RGS5: variants seen among roughly 807,000 people sequenced by gnomAD.
The protein encoded by RGS5 is regulator of G protein signaling 5, also known as regulator of G-protein signalling 5.
In RGS5, 20 loss-of-function variants were observed where a neutral mutation model predicts 18.9. That is an observed-to-expected ratio of 1.06 (90% CI 0.74 to 1.54). The LOEUF (loss-of-function observed/expected upper bound fraction) is 1.54, where lower values mean the gene tolerates loss of function less well. RGS5 is among the 40% of genes most tolerant of loss of function. The pLI is 0.00. For synonymous variants in RGS5, 57 were observed against 76.2 expected (o/e 0.75, Z 1.31); for missense variants, 201 against 211.8 (o/e 0.95, Z 0.32).
chr1:163,161,855 GT>G, intron 3 of RGS5, 59 bp downstream of exon 3: 1 of 1,322,106 alleles, frequency 7.6e-7, no homozygotes, highest in Non-Finnish European at 1.1e-6. Flanking sequence ...ATACAAAGAT[GT>G]TTTTTGTTTC....
At chr1:163,203,829 C>A (rs1659864132), upstream of RGS5, among the ~76,000 whole-genome samples, 1 of 152,076 alleles carries the variant, frequency 6.6e-6, no homozygotes, top group Non-Finnish European at 1.5e-5. Context: ...TCCTATCACT[C>A]AAGGAATATT....
At chr1:163,276,667 G>T (rs1386133995) in intron 2 of RGS5, among the ~76,000 whole-genome samples, 1 of 152,068 alleles carries the variant, frequency 6.6e-6, no homozygotes, top group Non-Finnish European at 1.5e-5. Context: ...CATTTAAATT[G>T]GCTGTCTTCT....
At chr1:163,287,672 CA>C (rs1166134339) in intron 2 of RGS5, among the ~76,000 whole-genome samples, 1 of 152,194 alleles carries the variant, frequency 6.6e-6, no homozygotes, top group African/African-American at 2.4e-5. Context: ...ATGGGTAAGA[CA>C]TTATGTTTCT....
chr1:163,260,567 C>T (rs1296038463), intron 2 of RGS5: 1 of 151,602 alleles, frequency 6.6e-6, no homozygotes, highest in Non-Finnish European at 1.5e-5. Flanking sequence ...GTACTCATTA[C>T]CATAATGTAA....
chr1:163,158,251 C>T (rs150912396), intron 3 of RGS5, among the ~76,000 whole-genome samples: 204 of 152,258 alleles, frequency 1.3e-3, no homozygotes, highest in African/African-American at 4.4e-3. Context: ...TGGCATTCCA[C>T]TGGTTCTTCT....
upstream of RGS5, among the ~76,000 whole-genome samples, chr1:163,207,863 T>C (rs1364940631): frequency 6.6e-6 from 1 of 151,810 alleles, no homozygotes; most frequent in East Asian, 1.9e-4. Flanking sequence ...AGGTAACCAT[T>C]AGAACAGAAA....
chr1:163,245,457 C>G (rs1647902906), intron 2 of RGS5, among the ~76,000 whole-genome samples: 1 of 152,174 alleles, frequency 6.6e-6, no homozygotes, highest in African/African-American at 2.4e-5. Context: ...GATTTTGCTT[C>G]TAAAACTTTA....
rs546729427 is a variant in RGS5, at chr1:163,166,416, G to T, written c.155+1842C>A. ...TTAAAAATACCTCCAATCAAGAGAA[G>T]AATTATTTTCCCCTCTGAAAGAAGA... On this transcript the variant is annotated intron_variant, in intron 2 of 4. Transcript: ENST00000313961. 3.9e-5 allele frequency among the ~76,000 whole-genome samples: 6 copies of T among 152,196 alleles called. No homozygotes were observed. In the East Asian group the frequency reaches 7.7e-4, roughly 20 times the overall value.
chr1:163,238,348 A>T (rs753963538), intron 2 of RGS5: 2 of 152,240 alleles, frequency 1.3e-5, no homozygotes, highest in Non-Finnish European at 2.9e-5. Flanking sequence ...GATAAATTAG[A>T]ACAAAATCCA....
intron 3 of RGS5, among the ~76,000 whole-genome samples, chr1:163,158,529 C>T (rs528997230): frequency 1.3e-5 from 2 of 152,202 alleles, no homozygotes; most frequent in African/African-American, 4.8e-5. Context: ...AGCTTGGTGT[C>T]CAGGGGAGAC....
At chr1:163,271,869 A>G (rs1037040352) in intron 2 of RGS5, among the ~76,000 whole-genome samples, 6 of 152,188 alleles carry the variant, frequency 3.9e-5, no homozygotes, top group African/African-American at 1.4e-4. Flanking sequence ...ACACTGCCCA[A>G]CTGTTTTCCA....
intron 3 of RGS5, among the ~76,000 whole-genome samples, chr1:163,153,225 AG>A (rs1657447829): frequency 6.6e-6 from 1 of 152,174 alleles, no homozygotes; most frequent in African/African-American, 2.4e-5. Flanking sequence ...TTATGTCCCA[AG>A]CACTATGATT....
At position 163,171,710 on chromosome 1, in the gene RGS5, G is replaced by GTA. The variant is rs1226289080; in HGVS notation, c.45-3344_45-3343dup. On this transcript the variant is annotated intron_variant, in intron 1 of 4. Coordinates refer to ENST00000313961, the MANE Select transcript of RGS5 (RefSeq NM_003617.4). The stretch of plus-strand genomic sequence containing the variant: ...ATTAGAACAAAGAAATCGAATGTAT[G>GTA]TAAAAGAATTATTAGTGACTTAATT... 2.0e-5 allele frequency among the ~76,000 whole-genome samples: 3 copies of GTA among 152,300 alleles called. No homozygotes were observed. The East Asian group carries it at 5.8e-4, about 29-fold the overall frequency.
At chr1:163,302,002 GTT>G (rs35908469) in intron 2 of RGS5, among the ~76,000 whole-genome samples, 1 of 139,478 alleles carries the variant, frequency 7.2e-6, no homozygotes, top group Non-Finnish European at 1.5e-5. Context: ...AATTTTTCCT[GTT>G]TTTTTTTTTT....
chr1:163,266,810 T>C (rs1464483668), intron 2 of RGS5: 1 of 152,156 alleles, frequency 6.6e-6, no homozygotes, highest in Non-Finnish European at 1.5e-5. Context: ...CAGAGGCATA[T>C]CTTATATGCT....
chr1:163,226,691 TC>T (rs1647343743), intron 2 of RGS5, among the ~76,000 whole-genome samples: 1 of 152,260 alleles, frequency 6.6e-6, no homozygotes, highest in African/African-American at 2.4e-5. Context: ...TAGAGAATTA[TC>T]TTTTCTAATC....
intron 1 of RGS5, among the ~76,000 whole-genome samples, chr1:163,198,752 T>C (rs1487637086): frequency 6.6e-6 from 1 of 152,124 alleles, no homozygotes; most frequent in Non-Finnish European, 1.5e-5. Flanking sequence ...TCACCTCAGC[T>C]CCTGAATAGC....
At chr1:163,265,092 T>G (rs1469942365) in intron 2 of RGS5, among the ~76,000 whole-genome samples, 1 of 152,152 alleles carries the variant, frequency 6.6e-6, no homozygotes, top group Non-Finnish European at 1.5e-5. Flanking sequence ...TGTTTGACAA[T>G]CCTTTCACCA....
intron 1 of RGS5, among the ~76,000 whole-genome samples, chr1:163,201,107 T>G (rs1293747799): frequency 6.6e-6 from 1 of 152,220 alleles, no homozygotes; most frequent in Non-Finnish European, 1.5e-5. Context: ...ACAATCATTC[T>G]AAAGTCAATT....
Sources: allele counts gnomAD v4.1 joint callset (sites outside exome capture counted in the v4.1 genomes callset), GRCh38; gene constraint gnomAD v4.1.1; transcripts MANE v1.5; gene names NCBI Gene and HGNC (gene_info 2026-07-23, HGNC 2026-07-21).